The following MRTFA variants were observed in gnomAD, a reference collection of about 807,000 sequenced individuals.
The protein encoded by MRTFA is myocardin-related transcription factor A.
Under a neutral mutation model 83.5 loss-of-function variants are expected in MRTFA, and 20 were observed. The observed-to-expected ratio is 0.24, with a 90% CI of 0.17 to 0.35. MRTFA has a LOEUF of 0.35. Ranked by LOEUF, MRTFA falls within the 10% of genes least tolerant of loss-of-function variation. The pLI, the probability that MRTFA is intolerant of heterozygous loss-of-function variation, is 1.00. For synonymous variants in MRTFA, 659 were observed against 541.2 expected, an observed-to-expected ratio of 1.22 and a Z score of -3.02; for missense variants, 1,200 against 1,224.7, an observed-to-expected ratio of 0.98 and a Z score of 0.30.
intron 3 of MRTFA, chr22:40,533,576 T>C: frequency 5.7e-6 from 7 of 1,223,026 alleles, no homozygotes; most frequent in Non-Finnish European, 6.1e-6. Context: ...GAAATTAGGA[T>C]TTATGTGAAT....
rs191909105 is a variant in MRTFA at position 40,613,175 on chromosome 22, T to A, written c.-83-18440A>T. Among the ~76,000 whole-genome samples, 9 of 152,304 alleles carry A rather than the reference T, an allele frequency of 5.9e-5. No homozygotes were observed. The East Asian group carries it at 1.7e-3, about 29-fold the overall frequency. On this transcript the variant is annotated intron_variant, in intron 1 of 14. Transcript: ENST00000355630. ...CAGTGCTGCATGTATCCATAATTCATTCCTTTCTTTTTTCTAAGTAGTAAT... is the reference window on the plus strand; with the variant it reads ...CAGTGCTGCATGTATCCATAATTCAATCCTTTCTTTTTTCTAAGTAGTAAT...
chr22:40,414,087 C>A (rs141962730), intron 14 of MRTFA, among the ~76,000 whole-genome samples: 3 of 152,264 alleles, frequency 2.0e-5, no homozygotes, highest in Non-Finnish European at 4.4e-5. Context: ...GCGTGTAATC[C>A]TATCACTTTG....
At chr22:40,459,822 C>CATATACATATATATATATATATATAT (rs1555973786) in intron 4 of MRTFA, among the ~76,000 whole-genome samples, 1 of 68,266 alleles carries the variant, frequency 1.5e-5, no homozygotes, top group African/African-American at 6.5e-5. Flanking sequence ...CACACACACA[C>CATATACATATATATATATATATATAT]ATATATACAT....
Position 40,463,210 on chromosome 22 carries a change from G to A in MRTFA, c.307+11C>T, listed in dbSNP as rs370286760. The A allele has an allele frequency of 1.9e-6, 3 of 1,612,872 alleles. No homozygotes were observed. The highest frequency in any genetic ancestry group is 2.5e-6 in the Non-Finnish European group (3 of 1,179,352). The stretch of plus-strand genomic sequence containing the variant: ...GCAATCTACCAAATGCTGAGAGAGA[G>A]AGGCACTTACGCGGCATGATCCCTT... On this transcript the variant is annotated intron_variant, in intron 4 of 14. Coordinates refer to ENST00000355630, the MANE Select transcript of MRTFA (RefSeq NM_020831.6).
At chr22:40,623,853 G>A (rs1199078133) in intron 1 of MRTFA, among the ~76,000 whole-genome samples, 3 of 152,146 alleles carry the variant, frequency 2.0e-5, no homozygotes, top group Admixed American at 6.5e-5. Flanking sequence ...GGTGGTTCAC[G>A]TCTGTAATCC....
intron 3 of MRTFA, among the ~76,000 whole-genome samples, chr22:40,491,636 G>T (rs1471161253): frequency 6.6e-6 from 1 of 152,056 alleles, no homozygotes; most frequent in Non-Finnish European, 1.5e-5. Context: ...ATAAAACATT[G>T]AATCTGACCC....
In MRTFA at chr22:40,613,702, A is replaced by T. The variant is rs112325639; in HGVS notation, c.-83-18967T>A. On this transcript the variant is annotated intron_variant, in intron 1 of 14. Transcript: ENST00000355630. ...GAGACCCTGTCTCTAGAAAAAAAAAAATTTTTCCAGCCTGGCTGACATGGT... is the reference window on the plus strand; with the variant it reads ...GAGACCCTGTCTCTAGAAAAAAAAATATTTTTCCAGCCTGGCTGACATGGT... Among the ~76,000 whole-genome samples, 229 of 152,072 alleles carry T rather than the reference A, an allele frequency of 1.5e-3. 4 individuals are homozygous for T. The East Asian group carries it at 0.028, about 18-fold the overall frequency.
At chr22:40,578,720 G>C (rs149875304) in intron 2 of MRTFA, among the ~76,000 whole-genome samples, 2 of 152,024 alleles carry the variant, frequency 1.3e-5, no homozygotes, top group East Asian at 1.9e-4. Flanking sequence ...CTAGGAGTTC[G>C]AGAAACATGG....
intron 3 of MRTFA, among the ~76,000 whole-genome samples, chr22:40,481,387 T>C (rs2054087531): frequency 6.6e-6 from 1 of 152,136 alleles, no homozygotes; most frequent in Non-Finnish European, 1.5e-5. Context: ...TTACAGGTGA[T>C]AAAACAACAT....
intron 3 of MRTFA, among the ~76,000 whole-genome samples, chr22:40,512,533 A>C (rs2054684931): frequency 6.6e-6 from 1 of 152,234 alleles, no homozygotes; most frequent in Non-Finnish European, 1.5e-5. Flanking sequence ...GGAAGAAAGG[A>C]TCATCTATCC....
chr22:40,531,297 G>A (rs145712735), intron 3 of MRTFA, among the ~76,000 whole-genome samples: 1 of 127,376 alleles, frequency 7.9e-6, no homozygotes, highest in Non-Finnish European at 1.6e-5. Flanking sequence ...ATTTTTTGTA[G>A]AGATGGGTCT....
rs1839252298 is a variant in MRTFA at position 40,411,544 on chromosome 22, GCCAGGT to G, written c.2936_2941del (p.Asp979_Leu980del). On this transcript the variant is annotated inframe_deletion, in exon 15 of 15. Coordinates refer to ENST00000355630, the MANE Select transcript of MRTFA (RefSeq NM_020831.6). ...GTCCATGCTGTCCAGGTGGCCATCA[GCCAGGT>G]CCAGGCCCATGGTGCTGCTGGGCTC... 6.2e-7 allele frequency: 1 copy of G among 1,613,344 alleles called. No individual in the cohort carries two copies. The highest frequency in any genetic ancestry group is 1.3e-5 in the African/African-American group (1 of 74,928).
In MRTFA at chr22:40,489,695, G is replaced by C. The variant is rs1043644226; in HGVS notation, c.242-26409C>G. ...CTAAGCACACTATAAAATCAGCAAAGTAGCCGGGCATGGTGGCTCACTCCT... is the reference window on the plus strand; with the variant it reads ...CTAAGCACACTATAAAATCAGCAAACTAGCCGGGCATGGTGGCTCACTCCT... On this transcript the variant is annotated intron_variant, in intron 3 of 14. Transcript: ENST00000355630. 3.9e-5 allele frequency among the ~76,000 whole-genome samples: 6 copies of C among 152,042 alleles called. No individual in the cohort carries two copies. In the East Asian group the frequency reaches 7.7e-4, roughly 20 times the overall value.
intron 2 of MRTFA, among the ~76,000 whole-genome samples, chr22:40,570,144 CAT>C (rs2055767867): frequency 6.6e-6 from 1 of 152,108 alleles, no homozygotes; most frequent in East Asian, 1.9e-4. Context: ...TAAAAGAATA[CAT>C]AAGTTTTAGC....
At chr22:40,478,055 T>C (rs935450125) in intron 3 of MRTFA, among the ~76,000 whole-genome samples, 1 of 152,108 alleles carries the variant, frequency 6.6e-6, no homozygotes, top group African/African-American at 2.4e-5. Context: ...AAATAGTTGT[T>C]AAAGGATCCA....
intron 2 of MRTFA, among the ~76,000 whole-genome samples, chr22:40,562,486 A>G (rs1164366526): frequency 6.7e-6 from 1 of 150,168 alleles, no homozygotes; most frequent in African/African-American, 2.5e-5. Context: ...TGTGATATGT[A>G]ATAAATGGCA....
chr22:40,554,988 G>A (rs2055498966), intron 2 of MRTFA, among the ~76,000 whole-genome samples: 1 of 152,174 alleles, frequency 6.6e-6, no homozygotes, highest in African/African-American at 2.4e-5. Flanking sequence ...ACTTGCATGG[G>A]GCCTGTAGCC....
intron 2 of MRTFA, among the ~76,000 whole-genome samples, chr22:40,565,286 C>T (rs1275044954): frequency 2.0e-5 from 3 of 152,158 alleles, no homozygotes; most frequent in Admixed American, 6.5e-5. Flanking sequence ...GTGGTGCATG[C>T]CTGCAATCCC....
chr22:40,429,546 C>G (rs1298092511), intron 7 of MRTFA, 60 bp downstream of exon 7: 3 of 1,599,774 alleles, frequency 1.9e-6, no homozygotes, highest in Non-Finnish European at 2.6e-6. Flanking sequence ...TTCAGCCTGG[C>G]ACTCCCTCCC....
Sources: allele counts gnomAD v4.1 joint callset (sites outside exome capture counted in the v4.1 genomes callset), GRCh38; gene constraint gnomAD v4.1.1; transcripts MANE v1.5; gene names NCBI Gene and HGNC (gene_info 2026-07-23, HGNC 2026-07-21).